LCA5L: variants seen among roughly 807,000 people sequenced by gnomAD.
The protein encoded by LCA5L is lebercilin LCA5 like, also known as lebercilin-like protein.
A neutral mutation model predicts 45.4 loss-of-function variants in LCA5L; 35 were observed. The ratio of observed to expected loss-of-function variants is 0.77; its 90% confidence interval spans 0.59 to 1.02. LCA5L has a LOEUF of 1.02. Ranked by LOEUF, LCA5L falls within the 50% of genes least tolerant of loss-of-function variation. LCA5L has a pLI of 0.00. For missense variants in LCA5L, 668 were observed against 761.6 expected (o/e 0.88, Z 1.45); for synonymous variants, 233 against 264.7 (o/e 0.88, Z 1.16).
rs200492515 is a variant in LCA5L at position 39,405,910 on chromosome 21, G to A, written c.1985C>T (p.Thr662Ile). Residue 662 changes from threonine (T) to isoleucine (I), a missense_variant, in exon 11 of 11, where the codon ACA (threonine) becomes ATA (isoleucine). Coordinates refer to ENST00000288350, the MANE Select transcript of LCA5L (RefSeq NM_152505.4). ...VVNSIKPSSP[T>I]EGKRKIII ...AATAATTATTTTTCTTTTTCCTTCT[G>A]TAGGTGACGATGGCTTAATAGAATT... 2.4e-4 allele frequency: 377 copies of A among 1,597,268 alleles called. 1 individual carries two copies. Among genetic ancestry groups the A allele is most frequent in the Non-Finnish European group, 2.8e-4 (332 of 1,168,158 alleles).
chr21:39,427,871 A>G (rs2837027), intron 5 of LCA5L: 139,900 of 182,444 alleles, frequency 0.77, 54,063 homozygotes, highest in African/African-American at 0.84. Context: ...TGAAATCCAA[A>G]TATTGTGGTA....
rs568116559 is a variant in LCA5L, at chr21:39,411,598, A to G, written c.1060+120T>C. On this transcript the variant is annotated intron_variant, in intron 8 of 10. Coordinates refer to ENST00000288350, the MANE Select transcript of LCA5L (RefSeq NM_152505.4). ...CTCGTTATTCTTCTAGAATCACAAA[A>G]TGTATTTTAATGCCTAATGAAGTGA... The G allele has an allele frequency of 9.9e-6, 5 of 502,606 alleles. 1 individual carries two copies. In the South Asian group the frequency reaches 2.0e-4, roughly 20 times the overall value. 31.1% of individuals were successfully genotyped at this position (502,606 alleles called of 1,614,324 possible).
intron 3 of LCA5L, 149 bp from the exon 4 acceptor site, chr21:39,429,360 T>A (rs2075395205): frequency 6.6e-6 from 1 of 152,242 alleles, no homozygotes; most frequent in South Asian, 2.1e-4. Context: ...CCTTCTCTTC[T>A]GATGAAATAT....
chr21:39,423,655 C>T (rs2074124401), intron 5 of LCA5L, among the ~76,000 whole-genome samples, 165 bp from the exon 6 acceptor site: 1 of 152,136 alleles, frequency 6.6e-6, no homozygotes, highest in Admixed American at 6.5e-5. Flanking sequence ...AATGAATACC[C>T]ATGCTTTAGG....
chr21:39,433,414 CAAAAAA>C (rs765560945), intron 3 of LCA5L, among the ~76,000 whole-genome samples: 7 of 62,788 alleles, frequency 1.1e-4, no homozygotes, highest in South Asian at 6.8e-4. Flanking sequence ...AACTCTGTCT[CAAAAAA>C]AAAAAAAAAA....
chr21:39,431,327 C>A (rs967443117), intron 3 of LCA5L, among the ~76,000 whole-genome samples: 5 of 152,024 alleles, frequency 3.3e-5, no homozygotes, highest in Admixed American at 1.3e-4. Context: ...CTTGAAAAAT[C>A]AAAAATCTGT....
At chr21:39,419,964 G>A (rs2042007302) in intron 7 of LCA5L, among the ~76,000 whole-genome samples, 1 of 152,120 alleles carries the variant, frequency 6.6e-6, no homozygotes, top group African/African-American at 2.4e-5. Flanking sequence ...GTAAAACTAA[G>A]ATAAATTTAT....
intron 8 of LCA5L, 32 bp downstream of exon 8, chr21:39,411,686 A>G (rs769581597): frequency 8.6e-7 from 1 of 1,164,580 alleles, no homozygotes; most frequent in South Asian, 1.6e-5. Context: ...ATACTTAAAA[A>G]TAGATTTTGA....
chr21:39,429,330 G>T (rs1834801119), intron 3 of LCA5L, 119 bp from the exon 4 acceptor site: 1 of 152,072 alleles, frequency 6.6e-6, no homozygotes, highest in African/African-American at 2.4e-5. Context: ...GCTTTTTGCT[G>T]CATCTGCTTA....
intron 7 of LCA5L, among the ~76,000 whole-genome samples, chr21:39,419,538 A>AG (rs1302492294): frequency 2.0e-5 from 3 of 151,442 alleles, no homozygotes; most frequent in African/African-American, 7.3e-5. Context: ...AAAAAAAAGA[A>AG]AAAAGAAAAA....
At chr21:39,417,751 T>C (rs2041481971) in intron 7 of LCA5L, among the ~76,000 whole-genome samples, 1 of 151,850 alleles carries the variant, frequency 6.6e-6, no homozygotes, top group Non-Finnish European at 1.5e-5. Flanking sequence ...TTTTTATTTA[T>C]TTATTTAATT....
At chr21:39,432,518 A>T (rs1369421923) in intron 3 of LCA5L, among the ~76,000 whole-genome samples, 5 of 152,284 alleles carry the variant, frequency 3.3e-5, no homozygotes, top group African/African-American at 1.2e-4. Context: ...ACCCTCTTTT[A>T]TTGAGGTATC....
At chr21:39,438,525 T>A (rs551288439) in intron 2 of LCA5L, among the ~76,000 whole-genome samples, 1 of 152,212 alleles carries the variant, frequency 6.6e-6, no homozygotes, top group East Asian at 1.9e-4. Context: ...GAAAAAAGAT[T>A]TTCAATACAT....
At position 39,433,828 on chromosome 21, in the gene LCA5L, G is replaced by C. The variant is rs559879675; in HGVS notation, c.-92+1592C>G. On this transcript the variant is annotated intron_variant, in intron 3 of 10. Transcript: ENST00000288350. ...TGCCCAGGCTGGAGTGCAGTGGCAC[G>C]ATCTTGGCTCACTGCAACCTCCACC... 2.7e-5 allele frequency among the ~76,000 whole-genome samples: 4 copies of C among 146,438 alleles called. No individual in the cohort carries two copies. In the Admixed American group the frequency reaches 2.7e-4, roughly 10 times the overall value.
intron 2 of LCA5L, among the ~76,000 whole-genome samples, chr21:39,441,032 G>A (rs1422152912): frequency 2.0e-5 from 3 of 152,234 alleles, no homozygotes; most frequent in Admixed American, 2.0e-4. Context: ...ACAAAGGGAG[G>A]TTATGATTCT....
At chr21:39,413,113 C>A (rs2040400405) in intron 7 of LCA5L, among the ~76,000 whole-genome samples, 1 of 152,162 alleles carries the variant, frequency 6.6e-6, no homozygotes, top group South Asian at 2.1e-4. Flanking sequence ...GTTTTAGCAG[C>A]CACATTCAGT....
intron 2 of LCA5L, among the ~76,000 whole-genome samples, chr21:39,439,230 C>G (rs1181262076): frequency 6.6e-6 from 1 of 152,164 alleles, no homozygotes; most frequent in Non-Finnish European, 1.5e-5. Flanking sequence ...TCACATGCCA[C>G]AGAATACAGG....
At chr21:39,422,705 G>A in intron 6 of LCA5L, 1 of 521,614 alleles carries the variant, frequency 1.9e-6, no homozygotes, top group South Asian at 3.3e-5. Flanking sequence ...CTCTCTTAGA[G>A]AATGGTCATT....
At position 39,425,787 on chromosome 21, in the gene LCA5L, A is replaced by AGG. The variant is rs549925002; in HGVS notation, c.323-2299_323-2298dup. Reference sequence around the variant, plus strand: ...CTTAGGTGCTCTGACCCTGGAGGAGAGGGATTTCACTGAGATGAGAAGGAT... The same window carrying AGG: ...CTTAGGTGCTCTGACCCTGGAGGAGAGGGGGATTTCACTGAGATGAGAAGGAT... On this transcript the variant is annotated intron_variant, in intron 5 of 10. Coordinates refer to ENST00000288350, the MANE Select transcript of LCA5L (RefSeq NM_152505.4). 1,057 of 152,380 alleles carry AGG rather than the reference A, an allele frequency of 6.9e-3. 5 individuals carry two copies. The highest frequency in any genetic ancestry group is 0.017 in the Middle Eastern group (5 of 296). The allele number at this position is 152,380 out of a possible 1,614,324, so 9.4% of individuals were successfully genotyped here. A position where few individuals can be genotyped will look rare whatever the true frequency, so the allele number is the denominator to read the frequency against.
Sources: allele counts gnomAD v4.1 joint callset (sites outside exome capture counted in the v4.1 genomes callset), GRCh38; gene constraint gnomAD v4.1.1; transcripts MANE v1.5; gene names NCBI Gene and HGNC (gene_info 2026-07-23, HGNC 2026-07-21).